Variants in RNF4 observed in about 807,000 individuals in gnomAD.
The protein encoded by RNF4 is E3 ubiquitin-protein ligase RNF4.
Under a neutral mutation model 24.3 loss-of-function variants are expected in RNF4, and 7 were observed. The ratio of observed to expected loss-of-function variants is 0.29; its 90% confidence interval spans 0.16 to 0.54. The LOEUF is 0.54. Among genes scored for constraint, RNF4 ranks in the 20% least tolerant of loss-of-function variants. RNF4 has a pLI of 0.95. For missense variants in RNF4, 209 were observed against 248.5 expected, an observed-to-expected ratio of 0.84 and a Z score of 1.07; for synonymous variants, 83 against 84.3, an observed-to-expected ratio of 0.98 and a Z score of 0.09.
At chr4:2,505,469 G>A (rs1464373790) in intron 4 of RNF4, 1 of 151,698 alleles carries the variant, frequency 6.6e-6, no homozygotes, top group Non-Finnish European at 1.5e-5. Context: ...GGGACTACAG[G>A]TGCCCGCCAC....
At chr4:2,499,451 T>G (rs577788462) in intron 3 of RNF4, 1 of 329,156 alleles carries the variant, frequency 3.0e-6, no homozygotes, top group East Asian at 1.1e-4. Flanking sequence ...TAATTTTGTA[T>G]TTTTAGTAGA....
rs182589002 is a variant in RNF4, at chr4:2,478,647, C to T, written c.-158+9389C>T. 4.6e-5 allele frequency among the ~76,000 whole-genome samples: 7 copies of T among 152,358 alleles called. No individual in the cohort carries two copies. In the East Asian group the frequency reaches 1.3e-3, roughly 29 times the overall value. On this transcript the variant is annotated intron_variant, in intron 1 of 7. Coordinates refer to ENST00000314289, the MANE Select transcript of RNF4 (RefSeq NM_002938.5). ...TGGCAGCTTCCACATGGTGTTGAGC[C>T]TGCGAGTGCGCAGAAGTCAACAATG...
chr4:2,500,945 G>T (rs1365373543), intron 4 of RNF4, among the ~76,000 whole-genome samples: 7 of 152,238 alleles, frequency 4.6e-5, no homozygotes, highest in Non-Finnish European at 1.0e-4. Context: ...AGTGACGAGA[G>T]CCCAAAATGA....
intron 1 of RNF4, among the ~76,000 whole-genome samples, chr4:2,486,852 C>G (rs1735423811): frequency 6.6e-6 from 1 of 152,190 alleles, no homozygotes; most frequent in Non-Finnish European, 1.5e-5. Flanking sequence ...AATTCTAAGA[C>G]ACGCTATTGA....
At chr4:2,471,989 A>G (rs967580855) in intron 1 of RNF4, among the ~76,000 whole-genome samples, 8 of 152,368 alleles carry the variant, frequency 5.3e-5, no homozygotes, top group African/African-American at 1.9e-4. Flanking sequence ...AGGTGGCCAC[A>G]CTAAACAACA....
At chr4:2,497,783 C>A (rs867007811) in intron 3 of RNF4, among the ~76,000 whole-genome samples, 1 of 152,048 alleles carries the variant, frequency 6.6e-6, no homozygotes, top group South Asian at 2.1e-4. Flanking sequence ...TATAGGCACC[C>A]GCCACCACAC....
rs540865234 is a variant in RNF4 at position 2,478,033 on chromosome 4, A to G, written c.-158+8775A>G. Among the ~76,000 whole-genome samples the G allele has an allele frequency of 2.0e-5, 3 of 152,300 alleles. No homozygotes were observed. The East Asian group carries it at 5.8e-4, about 29-fold the overall frequency. ...ATGAAATCCAGGCTGAGATGGTCTC[A>G]GATGGAGATGAGGAACTTGTTGGGA... On this transcript the variant is annotated intron_variant, in intron 1 of 7. Transcript: ENST00000314289.
At chr4:2,513,051 T>C (rs1468639504) in intron 6 of RNF4, 32 bp from the exon 7 acceptor site, 3 of 1,609,914 alleles carry the variant, frequency 1.9e-6, no homozygotes, top group Non-Finnish European at 1.7e-6. Context: ...TTGCGTTGAC[T>C]GAGAAACTAA....
rs1002269972 is a variant in RNF4 at position 2,515,755 on chromosome 4, A to G, written c.*1936A>G. On this transcript the variant is annotated 3_prime_UTR_variant, in exon 8 of 8. Transcript: ENST00000314289. Reference sequence around the variant, plus strand: ...TCCTTTTTTCAATGTACATAGTTCAACTCTTTCTTTGTTACATTTAAACTA... The same window carrying G: ...TCCTTTTTTCAATGTACATAGTTCAGCTCTTTCTTTGTTACATTTAAACTA... 2 of 152,444 alleles carry G rather than the reference A, an allele frequency of 1.3e-5. No individual in the cohort carries two copies. Among genetic ancestry groups the G allele is most frequent in the African/African-American group, 2.4e-5 (1 of 41,382 alleles). The allele number at this position is 152,444 out of a possible 1,614,324, so 9.4% of individuals were successfully genotyped here.
intron 1 of RNF4, among the ~76,000 whole-genome samples, chr4:2,473,547 T>C (rs1473829362): frequency 6.6e-6 from 1 of 152,076 alleles, no homozygotes; most frequent in Non-Finnish European, 1.5e-5. Context: ...GCCTGGTGGC[T>C]CACGCCTGTA....
intron 1 of RNF4, among the ~76,000 whole-genome samples, chr4:2,473,677 G>T (rs1375516982): frequency 6.6e-6 from 1 of 152,102 alleles, no homozygotes; most frequent in East Asian, 1.9e-4. Context: ...AGGGCGTGGT[G>T]GCGCACGCCT....
intron 4 of RNF4, among the ~76,000 whole-genome samples, chr4:2,506,549 T>C (rs1736107335): frequency 6.6e-6 from 1 of 151,838 alleles, no homozygotes; most frequent in South Asian, 2.1e-4. Context: ...TCTCCAAATT[T>C]GTTTTTTTTC....
At chr4:2,490,539 G>C (rs2108761443) in intron 2 of RNF4, 37 bp downstream of exon 2, 2 of 1,598,722 alleles carry the variant, frequency 1.3e-6, no homozygotes, top group Non-Finnish European at 1.7e-6. Context: ...TAATTTTGTA[G>C]GGCTAATTAA....
intron 1 of RNF4, among the ~76,000 whole-genome samples, chr4:2,473,773 T>A (rs1181411984): frequency 6.6e-6 from 1 of 151,480 alleles, no homozygotes; most frequent in Non-Finnish European, 1.5e-5. Context: ...ATCACACTAC[T>A]GCACTCCAGC....
intron 1 of RNF4, among the ~76,000 whole-genome samples, chr4:2,476,387 G>GT (rs1560399196): frequency 5.3e-5 from 8 of 151,936 alleles, no homozygotes. Flanking sequence ...GATCATCTGT[G>GT]TTTTTTTGTT....
intron 4 of RNF4, among the ~76,000 whole-genome samples, chr4:2,502,257 T>C (rs1239252972): frequency 6.6e-6 from 1 of 152,222 alleles, no homozygotes; most frequent in Admixed American, 6.5e-5. Flanking sequence ...CACAGTCTTC[T>C]TGGCCTTCTC....
intron 2 of RNF4, among the ~76,000 whole-genome samples, chr4:2,492,210 AAG>A (rs1491316676): frequency 3.3e-5 from 5 of 152,022 alleles, no homozygotes; most frequent in Admixed American, 2.6e-4. Context: ...AAAAAAAAAA[AAG>A]AAAAATCATT....
chr4:2,477,488 G>A (rs1735114541), intron 1 of RNF4, among the ~76,000 whole-genome samples: 1 of 152,148 alleles, frequency 6.6e-6, no homozygotes, highest in African/African-American at 2.4e-5. Flanking sequence ...GGGAGGCTGA[G>A]GCAGGAGAAT....
chr4:2,498,113 T>C (rs1309769948), intron 3 of RNF4, among the ~76,000 whole-genome samples: 3 of 152,188 alleles, frequency 2.0e-5, no homozygotes, highest in African/African-American at 7.2e-5. Flanking sequence ...CTGCTTTCCG[T>C]CATGGCACTT....
Sources: gnomAD v4.1 joint callset for allele counts (sites outside exome capture counted in the v4.1 genomes callset) on GRCh38, gnomAD v4.1.1 for gene constraint, MANE v1.5 for transcripts, NCBI Gene and HGNC (gene_info 2026-07-23, HGNC 2026-07-21) for gene names.